UBE3A: variants seen among roughly 807,000 people sequenced by gnomAD.
The protein encoded by UBE3A is ubiquitin protein ligase E3A.
Under a neutral mutation model 83.4 loss-of-function variants are expected in UBE3A, and 6 were observed. That is an observed-to-expected ratio of 0.07 (90% CI 0.04 to 0.14). The LOEUF is 0.14. Ranked by LOEUF, UBE3A falls within the 10% of genes least tolerant of loss-of-function variation. The pLI is 1.00. For synonymous variants in UBE3A, 337 were observed against 355.4 expected (o/e 0.95, Z 0.58); for missense variants, 456 against 1,036.1 (o/e 0.44, Z 7.69).
chr15:25,354,939 A>T (rs932278721), intron 9 of UBE3A, among the ~76,000 whole-genome samples: 1 of 152,070 alleles, frequency 6.6e-6, no homozygotes, highest in Non-Finnish European at 1.5e-5. Context: ...AAAGAAAACT[A>T]CTTCTTACAA....
In UBE3A at chr15:25,402,251, G is replaced by T. The variant is rs76954187; in HGVS notation, c.62+3210C>A. Among the ~76,000 whole-genome samples the T allele has an allele frequency of 9.9e-3, 1,506 of 152,306 alleles. 7 individuals carry two copies. The highest frequency in any genetic ancestry group is 0.016 in the Non-Finnish European group (1,093 of 68,030). On this transcript the variant is annotated intron_variant, in intron 4 of 12. Coordinates refer to ENST00000648336, the MANE Select transcript of UBE3A (RefSeq NM_130839.5). ...TATGCAGCCTGAGTCTACCGGGGCTGGCCTGGAGTCTGGGTCAGCAGGGTA... is the reference window on the plus strand; with the variant it reads ...TATGCAGCCTGAGTCTACCGGGGCTTGCCTGGAGTCTGGGTCAGCAGGGTA...
chr15:25,405,233 G>A (rs1035373911), intron 4 of UBE3A, among the ~76,000 whole-genome samples: 1 of 152,062 alleles, frequency 6.6e-6, no homozygotes, highest in Non-Finnish European at 1.5e-5. Context: ...AAAAGACTAA[G>A]AATTTAGGCG....
chr15:25,371,784 T>C lies in UBE3A; in HGVS notation c.390A>G (p.Val130=), dbSNP rs770109659. The change falls in exon 6 of 13, where the codon GTA becomes GTG. Residue 130 remains valine (V), a synonymous_variant. Coordinates refer to ENST00000648336, the MANE Select transcript of UBE3A (RefSeq NM_130839.5). This position sits in a 1 kb window ranked among gnomAD's most constrained non-coding sequence, Gnocchi z 5.3. ...KDVTYLTEEK[V]YEILELCRER... The stretch of plus-strand genomic sequence containing the variant: ...CTCTACATAATTCAAGAATTTCATA[T>C]ACCTTCTCTTCTGTTAAGTAAGTCA... The C allele has an allele frequency of 6.2e-7, 1 of 1,611,578 alleles. No homozygotes were observed. Among genetic ancestry groups the C allele is most frequent in the South Asian group, 1.1e-5 (1 of 91,018 alleles).
chr15:25,388,125 A>G (rs2083519895), intron 4 of UBE3A, among the ~76,000 whole-genome samples: 1 of 152,182 alleles, frequency 6.6e-6, no homozygotes, highest in Non-Finnish European at 1.5e-5. Context: ...AGTCAGCATT[A>G]CTCTAATACC....
intron 11 of UBE3A, among the ~76,000 whole-genome samples, chr15:25,348,856 T>C (rs978222373): frequency 3.9e-5 from 6 of 152,250 alleles, no homozygotes; most frequent in Admixed American, 3.9e-4. Context: ...ATTGGAAGAA[T>C]ATATTGTTAA....
At chr15:25,377,517 T>C (rs2081410984) in intron 4 of UBE3A, among the ~76,000 whole-genome samples, 1 of 152,104 alleles carries the variant, frequency 6.6e-6, no homozygotes, top group African/African-American at 2.4e-5. Context: ...AAAAATAAAA[T>C]GGAAATGCAG....
intron 4 of UBE3A, among the ~76,000 whole-genome samples, chr15:25,381,944 C>T (rs1240423406): frequency 2.0e-5 from 3 of 152,128 alleles, no homozygotes; most frequent in Non-Finnish European, 4.4e-5. Context: ...AAATATAGAA[C>T]AAGACGATTT....
chr15:25,427,788 T>A (rs1451753318), intron 1 of UBE3A, among the ~76,000 whole-genome samples: 2 of 63,018 alleles, frequency 3.2e-5, no homozygotes, highest in East Asian at 4.0e-4. Context: ...GGAGACCCTG[T>A]CTCCTGGAAA....
intron 1 of UBE3A, among the ~76,000 whole-genome samples, chr15:25,414,295 A>G (rs1387783021): frequency 2.0e-5 from 3 of 152,168 alleles, no homozygotes; most frequent in Non-Finnish European, 4.4e-5. Context: ...ATACTTGTTC[A>G]GCCTTCAAAT....
chr15:25,359,536 A>G (rs1566909745), intron 7 of UBE3A, among the ~76,000 whole-genome samples: 2 of 151,904 alleles, frequency 1.3e-5, no homozygotes, highest in Non-Finnish European at 2.9e-5. Context: ...TCAAAGCTGA[A>G]GGGAAATGAC....
At chr15:25,418,640 T>C (rs927986713) in intron 1 of UBE3A, 4 of 152,188 alleles carry the variant, frequency 2.6e-5, no homozygotes, top group Non-Finnish European at 4.4e-5. Context: ...GTAGGTTCTA[T>C]ACCCTGATAG....
At chr15:25,390,655 CAG>C (rs1390399009) in intron 4 of UBE3A, among the ~76,000 whole-genome samples, 12 of 152,194 alleles carry the variant, frequency 7.9e-5, no homozygotes, top group Admixed American at 6.5e-4. Flanking sequence ...AGGCAGAACA[CAG>C]AGGATTTTGG....
intron 6 of UBE3A, among the ~76,000 whole-genome samples, chr15:25,364,436 A>G (rs2078680372): frequency 2.6e-5 from 4 of 152,190 alleles, no homozygotes; most frequent in Non-Finnish European, 2.9e-5. Context: ...TATTCTTTAC[A>G]TAATAGCTAT....
At chr15:25,348,093 G>A (rs976498961) in intron 11 of UBE3A, among the ~76,000 whole-genome samples, 14 of 151,322 alleles carry the variant, frequency 9.3e-5, no homozygotes, top group Non-Finnish European at 1.2e-4. Context: ...AAAGAAAATC[G>A]CAAAACAGAA....
intron 5 of UBE3A, chr15:25,374,256 G>A (rs2080815846): frequency 6.6e-6 from 1 of 152,250 alleles, no homozygotes; most frequent in Non-Finnish European, 1.5e-5. Context: ...GGGGCATAAA[G>A]ACTGGATAAA....
At chr15:25,363,543 A>G (rs1051778976) in intron 6 of UBE3A, among the ~76,000 whole-genome samples, 1 of 152,190 alleles carries the variant, frequency 6.6e-6, no homozygotes, top group East Asian at 1.9e-4. Context: ...ACCCCAAGAT[A>G]CTGAAAGGTG....
intron 6 of UBE3A, among the ~76,000 whole-genome samples, chr15:25,364,648 T>TC (rs1311410416): frequency 7.8e-6 from 1 of 128,662 alleles, no homozygotes; most frequent in Non-Finnish European, 1.6e-5. Flanking sequence ...TTTGTTTGTT[T>TC]TTTTTTTTTT....
In UBE3A at chr15:25,370,422, G is replaced by T; in HGVS notation, c.1608+144C>A. The T allele has an allele frequency of 1.0e-6, 1 of 990,560 alleles. No individual in the cohort carries two copies. The highest frequency in any genetic ancestry group is 1.6e-6 in the Non-Finnish European group (1 of 639,288). The allele number at this position is 990,560 out of a possible 1,614,324, so 61.4% of individuals were successfully genotyped here. ...ATAAACTTGCACAGGAACAACAAAAGTATAATACTTATATAAGATCAGAAA... is the reference window on the plus strand; with the variant it reads ...ATAAACTTGCACAGGAACAACAAAATTATAATACTTATATAAGATCAGAAA... On this transcript the variant is annotated intron_variant, in intron 6 of 12. Coordinates refer to ENST00000648336, the MANE Select transcript of UBE3A (RefSeq NM_130839.5). This position sits in a 1 kb window ranked among gnomAD's most constrained non-coding sequence, Gnocchi z 4.2.
chr15:25,418,021 G>A (rs1296656940), intron 1 of UBE3A: 1 of 152,008 alleles, frequency 6.6e-6, no homozygotes, highest in East Asian at 1.9e-4. Flanking sequence ...GCTTACTACA[G>A]AACTAGGATA....
Sources: gnomAD v4.1 joint callset for allele counts (sites outside exome capture counted in the v4.1 genomes callset) on GRCh38, gnomAD v4.1.1 for gene constraint, Gnocchi (gnomAD v3.1) non-coding constraint, MANE v1.5 for transcripts, NCBI Gene and HGNC (gene_info 2026-07-23, HGNC 2026-07-21) for gene names.